LRRC8B: variants seen among roughly 807,000 people sequenced by gnomAD.
LRRC8B encodes volume-regulated anion channel subunit LRRC8B.
In LRRC8B, 23 loss-of-function variants were observed where a neutral mutation model predicts 58.8. The observed-to-expected ratio is 0.39, with a 90% CI of 0.28 to 0.55. The LOEUF (loss-of-function observed/expected upper bound fraction) is 0.55, where lower values mean the gene tolerates loss of function less well. Ranked by LOEUF, LRRC8B falls within the 20% of genes least tolerant of loss-of-function variation. The pLI, the probability that LRRC8B is intolerant of heterozygous loss-of-function variation, is 0.62. For missense variants in LRRC8B, 694 were observed against 936.0 expected, an observed-to-expected ratio of 0.74 and a Z score of 3.37; for synonymous variants, 359 against 374.1, an observed-to-expected ratio of 0.96 and a Z score of 0.47.
At chr1:89,581,638 CA>C (rs1263197722) in intron 4 of LRRC8B, among the ~76,000 whole-genome samples, 3 of 152,088 alleles carry the variant, frequency 2.0e-5, no homozygotes, top group Non-Finnish European at 4.4e-5. Context: ...TATGAAAATA[CA>C]AGATAATCTT....
intron 3 of LRRC8B, among the ~76,000 whole-genome samples, chr1:89,579,023 T>C (rs1310182306): frequency 6.6e-6 from 1 of 152,206 alleles, no homozygotes; most frequent in African/African-American, 2.4e-5. Flanking sequence ...CTTATCACTT[T>C]TTCTAATGAG....
At chr1:89,534,423 T>C (rs1650370312) in intron 1 of LRRC8B, among the ~76,000 whole-genome samples, 1 of 152,176 alleles carries the variant, frequency 6.6e-6, no homozygotes. Flanking sequence ...TTTTTTCTCA[T>C]GGAACTCATT....
intron 1 of LRRC8B, among the ~76,000 whole-genome samples, chr1:89,550,734 A>T (rs1212923344): frequency 6.6e-6 from 1 of 152,166 alleles, no homozygotes; most frequent in East Asian, 1.9e-4. Context: ...CTCTCTAGTC[A>T]GCCAGAACCC....
chr1:89,561,158 T>A (rs1388200377), intron 1 of LRRC8B, among the ~76,000 whole-genome samples: 5 of 151,990 alleles, frequency 3.3e-5, no homozygotes, highest in East Asian at 1.9e-4. Context: ...CATTTTTTCA[T>A]GTGTTTTTTG....
At chr1:89,588,580 G>A (rs1321594653) in intron 5 of LRRC8B, among the ~76,000 whole-genome samples, 2 of 152,176 alleles carry the variant, frequency 1.3e-5, no homozygotes, top group Non-Finnish European at 2.9e-5. Context: ...CTGGAAGTCT[G>A]CCAGTCAAAT....
intron 1 of LRRC8B, among the ~76,000 whole-genome samples, chr1:89,540,876 A>C (rs932171972): frequency 6.6e-6 from 1 of 152,246 alleles, no homozygotes; most frequent in Non-Finnish European, 1.5e-5. Flanking sequence ...TCCTTTTATC[A>C]GAAGATCCTA....
chr1:89,592,939 T>A lies in LRRC8B; in HGVS notation c.2308T>A (p.Cys770Ser). 6.2e-7 allele frequency: 1 copy of A among 1,614,116 alleles called. No individual in the cohort carries two copies. Reference protein sequence around the residue: ...LETLPPELEGCQSLKRNCLIV... With the variant: ...LETLPPELEGSQSLKRNCLIV... Reference sequence around the variant, plus strand: ...AACACTTCCTCCTGAACTAGAAGGATGTCAGTCCCTAAAACGGAACTGTCT... The same window carrying A: ...AACACTTCCTCCTGAACTAGAAGGAAGTCAGTCCCTAAAACGGAACTGTCT... The change falls in exon 6 of 6, where the codon TGT (cysteine) becomes AGT (serine). Residue 770 changes from cysteine (C) to serine (S), a missense_variant. Transcript: ENST00000330947.
intron 1 of LRRC8B, among the ~76,000 whole-genome samples, chr1:89,567,095 C>A (rs1482213173): frequency 6.6e-6 from 1 of 152,176 alleles, no homozygotes; most frequent in South Asian, 2.1e-4. Context: ...CTGACGCAGG[C>A]CGCCTGCCTC....
At chr1:89,588,039 A>G (rs191069196) in intron 5 of LRRC8B, 1 of 152,336 alleles carries the variant, frequency 6.6e-6, no homozygotes, top group Admixed American at 6.5e-5. Flanking sequence ...AGTCTGAGCA[A>G]CTGATTGGCA....
intron 5 of LRRC8B, among the ~76,000 whole-genome samples, chr1:89,589,280 A>C (rs538057360): frequency 2.6e-5 from 4 of 152,264 alleles, no homozygotes; most frequent in African/African-American, 7.2e-5. Flanking sequence ...ATGGAACCCA[A>C]ACATTCTGAT....
In LRRC8B at chr1:89,583,081, G is replaced by A; in HGVS notation, c.431G>A (p.Ser144Asn). The A allele has an allele frequency of 6.2e-7, 1 of 1,614,150 alleles. No individual in the cohort carries two copies. Among genetic ancestry groups the A allele is most frequent in the Non-Finnish European group, 8.5e-7 (1 of 1,180,044 alleles). Reference protein sequence around the residue: ...ACSNFWLHYPSTSSRLEHFVA... With the variant: ...ACSNFWLHYPNTSSRLEHFVA... The stretch of plus-strand genomic sequence containing the variant: ...AGCAACTTTTGGCTTCACTACCCCA[G>A]TACCAGTTCCAGGCTCGAGCATTTT... The change falls in exon 5 of 6, where the codon AGT (serine) becomes AAT (asparagine). Residue 144 changes from serine (S) to asparagine (N), a missense_variant. Physicochemically the swap from Ser to Asn is conservative, Grantham distance 46 (BLOSUM62 1). This residue lies in a region of LRRC8B where 316 missense variants were observed against 403.8 expected (regional missense o/e 0.78). Coordinates refer to ENST00000330947, the MANE Select transcript of LRRC8B (RefSeq NM_001369817.2). The surrounding 1 kb of genome is among the most constrained non-coding windows in gnomAD (Gnocchi z 5.2).
intron 4 of LRRC8B, among the ~76,000 whole-genome samples, chr1:89,580,830 T>A (rs1654165203): frequency 6.6e-6 from 1 of 151,994 alleles, no homozygotes. Context: ...GCTCAGAAAT[T>A]GTAAAATGCC....
At chr1:89,560,148 G>A (rs1652512780) in intron 1 of LRRC8B, among the ~76,000 whole-genome samples, 1 of 152,210 alleles carries the variant, frequency 6.6e-6, no homozygotes, top group African/African-American at 2.4e-5. Flanking sequence ...GATGTAAAGT[G>A]AGGAGTAGAA....
At chr1:89,541,821 T>C (rs1651017678) in intron 1 of LRRC8B, among the ~76,000 whole-genome samples, 1 of 146,786 alleles carries the variant, frequency 6.8e-6, no homozygotes, top group African/African-American at 2.6e-5. Context: ...GAGTTCAGTC[T>C]CCTCCATCTT....
At chr1:89,587,119 G>A (rs1375909782) in intron 5 of LRRC8B, among the ~76,000 whole-genome samples, 1 of 152,182 alleles carries the variant, frequency 6.6e-6, no homozygotes, top group Non-Finnish European at 1.5e-5. Context: ...AGCATTCAAA[G>A]ATTGAATGAG....
At chr1:89,589,976 GT>G (rs139209057) in intron 5 of LRRC8B, among the ~76,000 whole-genome samples, 2,949 of 152,198 alleles carry the variant, frequency 0.019, 104 homozygotes, top group East Asian at 0.15. Flanking sequence ...ATAGCCATTA[GT>G]TTTTGTTGTT....
chr1:89,558,681 T>A (rs1652372069), intron 1 of LRRC8B: 1 of 152,096 alleles, frequency 6.6e-6, no homozygotes, highest in Non-Finnish European at 1.5e-5. Context: ...ACTGGGTAAT[T>A]TATAAGTAAC....
chr1:89,551,928 TTATA>T (rs1302572455), intron 1 of LRRC8B, among the ~76,000 whole-genome samples: 1 of 152,236 alleles, frequency 6.6e-6, no homozygotes, highest in Non-Finnish European at 1.5e-5. Flanking sequence ...GATTTGATTA[TTATA>T]TATATTTATA....
intron 3 of LRRC8B, among the ~76,000 whole-genome samples, chr1:89,578,344 A>G (rs575904070): frequency 6.6e-4 from 100 of 152,332 alleles, no homozygotes; most frequent in African/African-American, 2.1e-3. Context: ...TTCACACATC[A>G]GATGTCTTTA....
Sources: gnomAD v4.1 joint callset for allele counts (sites outside exome capture counted in the v4.1 genomes callset) on GRCh38, gnomAD v4.1.1 for gene constraint, gnomAD v4.1.1 regional missense constraint, Gnocchi (gnomAD v3.1) non-coding constraint, MANE v1.5 for transcripts, NCBI Gene and HGNC (gene_info 2026-07-23, HGNC 2026-07-21) for gene names.